The following GLP2R variants were observed in gnomAD, a reference collection of about 807,000 sequenced individuals.
GLP2R encodes glucagon like peptide 2 receptor.
Under a neutral mutation model 68.2 loss-of-function variants are expected in GLP2R, and 59 were observed. The ratio of observed to expected loss-of-function variants is 0.87; its 90% CI spans 0.70 to 1.07. The LOEUF (loss-of-function observed/expected upper bound fraction) is 1.07, where lower values mean the gene tolerates loss of function less well. Among genes scored for constraint, GLP2R ranks in the 50% least tolerant of loss-of-function variants. The pLI, the probability that GLP2R is intolerant of heterozygous loss-of-function variation, is 0.00. For missense variants in GLP2R, 548 were observed against 677.4 expected (o/e 0.81, Z 2.12); for synonymous variants, 270 against 265.4 (o/e 1.02, Z -0.17).
intron 2 of GLP2R, 30 bp from the exon 3 acceptor site, chr17:9,836,341 A>G (rs901968752): frequency 7.1e-7 from 1 of 1,414,286 alleles, no homozygotes; most frequent in Non-Finnish European, 1.0e-6. Flanking sequence ...TAAAACACTG[A>G]TGTTTATCAG....
chr17:9,839,641 A>G (rs2152032752), intron 3 of GLP2R, among the ~76,000 whole-genome samples: 1 of 152,176 alleles, frequency 6.6e-6, no homozygotes, highest in South Asian at 2.1e-4. Context: ...TTTCTAAAAT[A>G]TCATTCACAT....
intron 3 of GLP2R, among the ~76,000 whole-genome samples, chr17:9,839,529 C>A (rs1567719686): frequency 6.6e-6 from 1 of 152,154 alleles, no homozygotes; most frequent in Non-Finnish European, 1.5e-5. Flanking sequence ...CCCCTCCATC[C>A]CTCACTGCTG....
intron 9 of GLP2R, among the ~76,000 whole-genome samples, chr17:9,868,154 C>T (rs1311787979): frequency 1.3e-5 from 2 of 152,210 alleles, no homozygotes. Context: ...AAAGGGCTTC[C>T]TTCCTCCTCT....
At chr17:9,847,960 C>T (rs189403230) in intron 4 of GLP2R, among the ~76,000 whole-genome samples, 157 of 152,258 alleles carry the variant, frequency 1.0e-3, no homozygotes, top group Admixed American at 2.5e-3. Context: ...GACCAGCCTG[C>T]TCAACATAGC....
chr17:9,874,060 C>G (rs2067122389), intron 10 of GLP2R, among the ~76,000 whole-genome samples: 1 of 151,850 alleles, frequency 6.6e-6, no homozygotes, highest in Non-Finnish European at 1.5e-5. Context: ...TAAGATAGAC[C>G]AAAAAATAGA....
At chr17:9,827,748 G>T (rs117238723) in intron 1 of GLP2R, among the ~76,000 whole-genome samples, 18,462 of 152,034 alleles carry the variant, frequency 0.12, 1,259 homozygotes, top group East Asian at 0.26. Flanking sequence ...AGATCACAAG[G>T]TCAGGAGTTC....
At chr17:9,870,938 G>T in intron 10 of GLP2R, 103 bp downstream of exon 10, 1 of 699,120 alleles carries the variant, frequency 1.4e-6, no homozygotes, top group Non-Finnish European at 2.6e-6. Flanking sequence ...TAAGGCCAGG[G>T]TATCAGAAAG....
intron 4 of GLP2R, among the ~76,000 whole-genome samples, chr17:9,850,894 T>C (rs1004887353): frequency 1.3e-5 from 2 of 152,046 alleles, no homozygotes; most frequent in African/African-American, 2.4e-5. Context: ...GGGTTTGCCA[T>C]GTTGGCCAGG....
chr17:9,870,858 C>G (rs1165510178), intron 10 of GLP2R, 23 bp downstream of exon 10: 1 of 1,110,654 alleles, frequency 9.0e-7, no homozygotes, highest in Non-Finnish European at 1.4e-6. Flanking sequence ...AGGTTGGTCC[C>G]CAGCAGTCCA....
intron 2 of GLP2R, among the ~76,000 whole-genome samples, chr17:9,835,263 G>A (rs1285400458): frequency 6.6e-6 from 1 of 151,838 alleles, no homozygotes; most frequent in African/African-American, 2.4e-5. Context: ...CCCTGACCTC[G>A]TGATCCAGAA....
At chr17:9,887,352 C>A (rs963446909) in intron 11 of GLP2R, among the ~76,000 whole-genome samples, 3 of 152,082 alleles carry the variant, frequency 2.0e-5, no homozygotes, top group Non-Finnish European at 4.4e-5. Flanking sequence ...CATGGTGAAA[C>A]CCCGTCTGTA....
rs1381545842 is a variant in GLP2R at position 9,826,033 on chromosome 17, G to A, written c.-31G>A. 1.3e-6 allele frequency: 2 copies of A among 1,589,406 alleles called. No individual in the cohort carries two copies. The highest frequency in any genetic ancestry group is 1.1e-5 in the South Asian group (1 of 88,336). On this transcript the variant is annotated 5_prime_UTR_variant, in exon 1 of 13. It removes an upstream start codon present in the reference 5' UTR. Coordinates refer to ENST00000262441, the MANE Select transcript of GLP2R (RefSeq NM_004246.3). ...GTGCATCTTGGACGGCTAGAGAGATGTACCCCTACTTGTGAAGGTGCACGA... is the reference window on the plus strand; with the variant it reads ...GTGCATCTTGGACGGCTAGAGAGATATACCCCTACTTGTGAAGGTGCACGA...
chr17:9,869,987 A>G (rs781218863), intron 9 of GLP2R, among the ~76,000 whole-genome samples: 14 of 152,220 alleles, frequency 9.2e-5, no homozygotes, highest in Non-Finnish European at 1.3e-4. Context: ...TTCCCAGTCC[A>G]TGACAGTCGT....
At chr17:9,845,748 CGTGTGTGT>C (rs60266643) in intron 4 of GLP2R, among the ~76,000 whole-genome samples, 13 of 148,428 alleles carry the variant, frequency 8.8e-5, no homozygotes, top group African/African-American at 2.2e-4. Context: ...TGTGTGTGTG[CGTGTGTGT>C]GTGTGTGTGT....
At chr17:9,843,380 T>C (rs1276308427) in intron 4 of GLP2R, among the ~76,000 whole-genome samples, 1 of 152,200 alleles carries the variant, frequency 6.6e-6, no homozygotes, top group East Asian at 1.9e-4. Flanking sequence ...GGGCCTCTGC[T>C]TCCTCATTCA....
chr17:9,861,174 GC>G lies in GLP2R; in HGVS notation c.964del (p.Arg322ValfsTer26). On this transcript the variant is annotated frameshift_variant, in exon 8 of 13. Transcript: ENST00000262441. LOFTEE classifies it high-confidence loss of function. Reference protein sequence around the residue: ...PVLFVVPWGFARAHLENTGCW... With the variant: ...PVLFVVPWGFXRAHLENTGCW... The stretch of plus-strand genomic sequence containing the variant: ...GCTATTTGTTGTACCCTGGGGTTTC[GC>G]CCGTGCACACCTGGAGAACACAGGG... 1 of 1,613,054 alleles carries G rather than the reference GC, an allele frequency of 6.2e-7. No individual in the cohort carries two copies.
chr17:9,870,822 G>T lies in GLP2R; in HGVS notation c.1132G>T (p.Asp378Tyr). ...KLKAHQMCFR[D>Y]YKYRLAKSTL... Reference sequence around the variant, plus strand: ...CAAAGCTCATCAAATGTGCTTCAGAGATTATAAATACAGGTGAGTGGCTTA... The same window carrying T: ...CAAAGCTCATCAAATGTGCTTCAGATATTATAAATACAGGTGAGTGGCTTA... The change falls in exon 10 of 13, where the codon GAT (aspartate) becomes TAT (tyrosine). Residue 378 changes from aspartate to tyrosine, a missense_variant. By Grantham distance (160) the Asp-to-Tyr change is radical (BLOSUM62 -3). Transcript: ENST00000262441. The T allele has an allele frequency of 6.6e-7, 1 of 1,520,678 alleles. No homozygotes were observed. 94.2% of individuals were successfully genotyped at this position (1,520,678 alleles called of 1,614,324 possible).
intron 6 of GLP2R, among the ~76,000 whole-genome samples, chr17:9,858,398 A>G (rs551140455): frequency 1.5e-4 from 23 of 152,314 alleles, no homozygotes; most frequent in Admixed American, 4.6e-4. Context: ...GTTCGCTAAT[A>G]CTGTGTTTTG....
intron 4 of GLP2R, among the ~76,000 whole-genome samples, chr17:9,847,453 G>A (rs971465680): frequency 1.3e-5 from 2 of 151,852 alleles, no homozygotes; most frequent in African/African-American, 4.8e-5. Flanking sequence ...TATTTTTAGT[G>A]GAGACGGGGT....
Sources: gnomAD v4.1 joint callset for allele counts (sites outside exome capture counted in the v4.1 genomes callset) on GRCh38, gnomAD v4.1.1 for gene constraint, MANE v1.5 for transcripts, NCBI Gene and HGNC (gene_info 2026-07-23, HGNC 2026-07-21) for gene names.